EDN3: variants seen among roughly 807,000 people sequenced by gnomAD.
The protein encoded by EDN3 is endothelin 3.
Under a neutral mutation model 21.4 loss-of-function variants are expected in EDN3, and 9 were observed. The ratio of observed to expected loss-of-function variants is 0.42; its 90% confidence interval spans 0.25 to 0.73. EDN3 has a LOEUF of 0.73. Among genes scored for constraint, EDN3 ranks in the 30% least tolerant of loss-of-function variants. EDN3 has a pLI of 0.26. For missense variants in EDN3, 327 were observed against 309.4 expected (o/e 1.06, Z -0.43); for synonymous variants, 133 against 126.2 (o/e 1.05, Z -0.36).
In EDN3 at chr20:59,322,488, T is replaced by G; in HGVS notation, c.588+71T>G. ...GACGTGTCATTCCTTCGGGGGTGGGTGGAGGGTGTTTTGAGGGGATGGCAT... is the reference window on the plus strand; with the variant it reads ...GACGTGTCATTCCTTCGGGGGTGGGGGGAGGGTGTTTTGAGGGGATGGCAT... On this transcript the variant is annotated intron_variant, in intron 4 of 4. Transcript: ENST00000337938. This position sits in a 1 kb window ranked among gnomAD's most constrained non-coding sequence, Gnocchi z 4.1. 4 of 1,589,060 alleles carry G rather than the reference T, an allele frequency of 2.5e-6. No homozygotes were observed. The highest frequency in any genetic ancestry group is 3.5e-6 in the Non-Finnish European group (4 of 1,157,960).
chr20:59,304,948 G>A (rs1300685465), intron 2 of EDN3, among the ~76,000 whole-genome samples: 3 of 152,094 alleles, frequency 2.0e-5, no homozygotes, highest in African/African-American at 7.2e-5. Context: ...GCTCATCTTT[G>A]CTGTTGCTGA....
intron 2 of EDN3, among the ~76,000 whole-genome samples, chr20:59,317,320 C>T (rs773318783): frequency 2.6e-5 from 4 of 152,194 alleles, no homozygotes; most frequent in Admixed American, 6.5e-5. Context: ...TTCTTTATTG[C>T]TAAGTCAAAC....
In EDN3 at chr20:59,301,434, G is replaced by A. The variant is rs1989009992; in HGVS notation, c.77G>A (p.Gly26Glu). Residue 26 changes from glycine (G) to glutamate (E), a missense_variant, in exon 2 of 5, where the codon GGG becomes GAG. Coordinates refer to ENST00000337938, the MANE Select transcript of EDN3 (RefSeq NM_207034.3). ...AAGFVPCSQS[G>E]DAGRRGVSQA... ...GGATTCGTGCCTTGCTCCCAGTCTGGGGATGCTGGCAGGCGCGGCGTGTCC... is the reference window on the plus strand; with the variant it reads ...GGATTCGTGCCTTGCTCCCAGTCTGAGGATGCTGGCAGGCGCGGCGTGTCC... 1 of 1,612,590 alleles carries A rather than the reference G, an allele frequency of 6.2e-7. No homozygotes were observed. Among genetic ancestry groups the A allele is most frequent in the Non-Finnish European group, 8.5e-7 (1 of 1,180,026 alleles).
At position 59,324,891 on chromosome 20, in the gene EDN3, A is replaced by G. The variant is rs1990753323; in HGVS notation, c.*432A>G. On this transcript the variant is annotated 3_prime_UTR_variant, in exon 5 of 5. Coordinates refer to ENST00000337938, the MANE Select transcript of EDN3 (RefSeq NM_207034.3). ...GCATGCGACTTTCATATCCTTGCCT[A>G]GAATAGGCTGCATGGTGTATGTCAG... 2 of 302,192 alleles carry G rather than the reference A, an allele frequency of 6.6e-6. No individual in the cohort carries two copies. The highest frequency in any genetic ancestry group is 4.4e-5 in the Admixed American group (1 of 22,578). 18.7% of individuals were successfully genotyped at this position (302,192 alleles called of 1,614,324 possible). A position where few individuals can be genotyped will look rare whatever the true frequency, so the allele number is the denominator to read the frequency against.
chr20:59,323,041 G>A (rs910170355), intron 4 of EDN3, among the ~76,000 whole-genome samples: 8 of 152,052 alleles, frequency 5.3e-5, no homozygotes, highest in African/African-American at 1.4e-4. Flanking sequence ...TAATGACTCC[G>A]CAGCTCATCT....
intron 2 of EDN3, among the ~76,000 whole-genome samples, chr20:59,313,759 T>C (rs1342177506): frequency 6.6e-6 from 1 of 152,256 alleles, no homozygotes; most frequent in Non-Finnish European, 1.5e-5. Flanking sequence ...GCCGGTTCAC[T>C]GTTCTGATGT....
chr20:59,300,977 G>C (rs908091274), intron 1 of EDN3, 113 bp downstream of exon 1: 1 of 1,307,362 alleles, frequency 7.6e-7, no homozygotes, highest in African/African-American at 1.5e-5. Flanking sequence ...ACTCTTGCCT[G>C]GGCTCTGCAC....
At chr20:59,315,568 A>G (rs1990120710) in intron 2 of EDN3, among the ~76,000 whole-genome samples, 1 of 152,178 alleles carries the variant, frequency 6.6e-6, no homozygotes, top group Non-Finnish European at 1.5e-5. Context: ...AAATGAAACA[A>G]CGCCTCTATC....
chr20:59,319,583 G>T (rs6015473), intron 2 of EDN3, among the ~76,000 whole-genome samples: 1 of 151,792 alleles, frequency 6.6e-6, no homozygotes, highest in African/African-American at 2.4e-5. Flanking sequence ...ATAATTAGCC[G>T]GGCGTGGTGG....
rs1416507874 is a variant in EDN3 at position 59,305,559 on chromosome 20, C to G, written c.365+3837C>G. 6.6e-6 allele frequency among the ~76,000 whole-genome samples: 1 copy of G among 152,132 alleles called. No individual in the cohort carries two copies. Among genetic ancestry groups the G allele is most frequent in the Non-Finnish European group, 1.5e-5 (1 of 68,036 alleles). On this transcript the variant is annotated intron_variant, in intron 2 of 4. Coordinates refer to ENST00000337938, the MANE Select transcript of EDN3 (RefSeq NM_207034.3). The surrounding 1 kb of genome is among the most constrained non-coding windows in gnomAD (Gnocchi z 4.2). ...TTTGGTTGCTCTTGGGGGCCATGGA[C>G]TTTTATGGAGGATAAACAGAAGTTA...
chr20:59,302,953 A>G (rs1222169688), intron 2 of EDN3, among the ~76,000 whole-genome samples: 2 of 152,154 alleles, frequency 1.3e-5, no homozygotes, highest in African/African-American at 2.4e-5. Context: ...GAGGGGTGGA[A>G]TGTCTTTCAG....
chr20:59,310,020 G>T (rs1989695247), intron 2 of EDN3, among the ~76,000 whole-genome samples: 1 of 152,200 alleles, frequency 6.6e-6, no homozygotes, highest in South Asian at 2.1e-4. Flanking sequence ...AGATGAAAGG[G>T]CCATTACAGT....
chr20:59,313,861 T>C (rs896670299), intron 2 of EDN3, among the ~76,000 whole-genome samples: 4 of 152,250 alleles, frequency 2.6e-5, no homozygotes, highest in Non-Finnish European at 4.4e-5. Flanking sequence ...TGAGGAGCTA[T>C]GTTTCCTGGC....
At chr20:59,324,268 C>T (rs1043176793) in intron 4 of EDN3, 63 bp from the exon 5 acceptor site, 1 of 1,607,242 alleles carries the variant, frequency 6.2e-7, no homozygotes, top group African/African-American at 1.3e-5. Flanking sequence ...CACAGAACTA[C>T]AGAGCTACAC....
At position 59,324,562 on chromosome 20, in the gene EDN3, G is replaced by A. The variant is rs1990736730; in HGVS notation, c.*103G>A. The A allele has an allele frequency of 6.5e-7, 1 of 1,547,964 alleles. No individual in the cohort carries two copies. Among genetic ancestry groups the A allele is most frequent in the Admixed American group, 1.7e-5 (1 of 58,790 alleles). ...TAGACAAGAAGTGAATTTGCCTGGG[G>A]CAGAACACCCACCCAAAGAGTCCCC... On this transcript the variant is annotated 3_prime_UTR_variant, in exon 5 of 5. Coordinates refer to ENST00000337938, the MANE Select transcript of EDN3 (RefSeq NM_207034.3).
intron 4 of EDN3, 79 bp from the exon 5 acceptor site, chr20:59,324,252 C>T: frequency 6.3e-7 from 1 of 1,586,186 alleles, no homozygotes; most frequent in Non-Finnish European, 8.7e-7. Context: ...TTCCCTTTTT[C>T]AGCTTCACAG....
In EDN3 at chr20:59,300,689, C is replaced by A. The variant is rs906861786; in HGVS notation, c.-124C>A. On this transcript the variant is annotated 5_prime_UTR_variant, in exon 1 of 5. Coordinates refer to ENST00000337938, the MANE Select transcript of EDN3 (RefSeq NM_207034.3). ...TGGCCGGAGCTGGAGACGCAGCGAG[C>A]GATCGGCCGGCCTCGAACCCCCACA... The A allele has an allele frequency of 6.4e-6, 6 of 936,306 alleles. No individual in the cohort carries two copies. The highest frequency in any genetic ancestry group is 1.7e-5 in the African/African-American group (1 of 60,128). The allele number at this position is 936,306 out of a possible 1,614,324, so 58.0% of individuals were successfully genotyped here.
chr20:59,317,396 A>T (rs940293246), intron 2 of EDN3, among the ~76,000 whole-genome samples: 1 of 152,220 alleles, frequency 6.6e-6, no homozygotes, highest in African/African-American at 2.4e-5. Context: ...CCCAGACCAG[A>T]TAAATAACAA....
rs1272782110 is a variant in EDN3, at chr20:59,322,106, G to A, written c.543-266G>A. On this transcript the variant is annotated intron_variant, in intron 3 of 4. Coordinates refer to ENST00000337938, the MANE Select transcript of EDN3 (RefSeq NM_207034.3). This position sits in a 1 kb window ranked among gnomAD's most constrained non-coding sequence, Gnocchi z 4.1. ...CTCAGGACCCCAGGATCTGCCGTCTGTGAAACCCAGTGTGAACTGCATGGT... is the reference window on the plus strand; with the variant it reads ...CTCAGGACCCCAGGATCTGCCGTCTATGAAACCCAGTGTGAACTGCATGGT... 1.3e-5 allele frequency among the ~76,000 whole-genome samples: 2 copies of A among 152,174 alleles called. No homozygotes were observed. The highest frequency in any genetic ancestry group is 2.1e-4 in the South Asian group (1 of 4,820).
Sources: allele counts gnomAD v4.1 joint callset (sites outside exome capture counted in the v4.1 genomes callset), GRCh38; gene constraint gnomAD v4.1.1; non-coding constraint Gnocchi (gnomAD v3.1); transcripts MANE v1.5; gene names NCBI Gene and HGNC (gene_info 2026-07-23, HGNC 2026-07-21).